Variants in SLC17A2 observed in about 807,000 individuals in gnomAD.
The protein encoded by SLC17A2 is solute carrier family 17 member 2.
SLC17A2 carries 38 observed loss-of-function variants against 52.1 expected under a neutral mutation model. The observed-to-expected ratio is 0.73, with a 90% CI of 0.56 to 0.96. The LOEUF (loss-of-function observed/expected upper bound fraction) is 0.96. SLC17A2 is among the 40% of genes least tolerant of loss of function. The probability of loss-of-function intolerance (pLI) is 0.00; values close to 1 mark genes in which losing one functional copy is unlikely to be tolerated. For synonymous variants in SLC17A2, 226 were observed against 211.9 expected (o/e 1.07, Z -0.58); for missense variants, 508 against 583.9 (o/e 0.87, Z 1.34).
At chr6:25,913,956 G>A (rs1581554496) in intron 11 of SLC17A2, among the ~76,000 whole-genome samples, 1 of 152,082 alleles carries the variant, frequency 6.6e-6, no homozygotes, top group East Asian at 1.9e-4. Flanking sequence ...ATTCCTAGCA[G>A]TTTAGTCAAA....
Position 25,913,398 on chromosome 6 carries a change from C to T in SLC17A2, c.1356G>A (p.Met452Ile). 6.2e-7 allele frequency: 1 copy of T among 1,614,096 alleles called. No individual in the cohort carries two copies. Among genetic ancestry groups the T allele is most frequent in the South Asian group, 1.1e-5 (1 of 91,078 alleles). ...ACGTGAGGTAAAAGACCAGGCCAAA[C>T]ATGTTGACTGCAGCAGACAGGAAAA... ...NVFFLSAAVN[M>I]FGLVFYLTFG... The change falls in exon 12 of 12, where the codon ATG becomes ATA. Residue 452 changes from methionine to isoleucine, a missense_variant. Transcript: ENST00000377850.
intron 6 of SLC17A2, 97 bp downstream of exon 6, chr6:25,918,390 G>A: frequency 1.3e-6 from 1 of 753,208 alleles, no homozygotes; most frequent in Admixed American, 2.2e-5. Context: ...TTTGATAAAG[G>A]ACATTTTCTT....
chr6:25,921,051 C>G lies in SLC17A2; in HGVS notation c.517G>C (p.Ala173Pro). 1 of 1,614,140 alleles carries G rather than the reference C, an allele frequency of 6.2e-7. No individual in the cohort carries two copies. Among genetic ancestry groups the G allele is most frequent in the South Asian group, 1.1e-5 (1 of 91,088 alleles). Reference protein sequence around the residue: ...TGQFTIWAKWAPPLERSKLTT... With the variant: ...TGQFTIWAKWPPPLERSKLTT... ...AGCTTGCTTCGTTCAAGTGGAGGAGCCCACTTTGCCCAAATAGTAAACTGA... is the reference window on the plus strand; with the variant it reads ...AGCTTGCTTCGTTCAAGTGGAGGAGGCCACTTTGCCCAAATAGTAAACTGA... Residue 173 changes from alanine to proline, a missense_variant, in exon 5 of 12, where the codon GCT becomes CCT. Ala to Pro is a conservative substitution (Grantham distance 27). Coordinates refer to ENST00000377850, the MANE Select transcript of SLC17A2 (RefSeq NM_001286123.3).
At position 25,925,723 on chromosome 6, in the gene SLC17A2, G is replaced by A. The variant is rs146976422; in HGVS notation, c.28+46C>T. The A allele has an allele frequency of 1.4e-4, 225 of 1,563,316 alleles. No homozygotes were observed. In the East Asian group the frequency reaches 4.7e-3, roughly 33 times the overall value. On this transcript the variant is annotated intron_variant, in intron 2 of 11. Transcript: ENST00000377850. ...GAGATGTGTAAATGTGTCGGAATAA[G>A]CTTCAGCTTATTAACATAGCCTGCA...
At position 25,914,683 on chromosome 6, in the gene SLC17A2, G is replaced by A. The variant is rs1430871128; in HGVS notation, c.1212-13C>T. 1.3e-6 allele frequency: 2 copies of A among 1,531,974 alleles called. No individual in the cohort carries two copies. The highest frequency in any genetic ancestry group is 1.8e-6 in the Non-Finnish European group (2 of 1,106,542). The allele number at this position is 1,531,974 out of a possible 1,614,324, so 94.9% of individuals were successfully genotyped here. ...GAAACTTGCATATCTGTGGGAAGATGATTTTATAAATGATTTTATATAGAA... is the reference window on the plus strand; with the variant it reads ...GAAACTTGCATATCTGTGGGAAGATAATTTTATAAATGATTTTATATAGAA... On this transcript the variant is annotated splice_polypyrimidine_tract_variant and intron_variant, in intron 10 of 11. Transcript: ENST00000377850.
chr6:25,915,549 ACTGG>A lies in SLC17A2; in HGVS notation c.1157_1160del (p.Thr386IlefsTer13), dbSNP rs1415782023. 1.9e-6 allele frequency: 3 copies of A among 1,582,770 alleles called. No individual in the cohort carries two copies. Among genetic ancestry groups the A allele is most frequent in the Admixed American group, 1.9e-5 (1 of 53,804 alleles). On this transcript the variant is annotated frameshift_variant, in exon 10 of 12. Coordinates refer to ENST00000377850, the MANE Select transcript of SLC17A2 (RefSeq NM_001286123.3). LOFTEE classifies it high-confidence loss of function. ...TGATAAACCCTGAGTCACATAGGTT[ACTGG>A]TCCCAGGAATAAGTATCAGCAAAAT... is the stretch of plus-strand genomic sequence containing the variant.
intron 1 of SLC17A2, among the ~76,000 whole-genome samples, chr6:25,928,522 C>T (rs111494124): frequency 0.02 from 3,055 of 152,198 alleles, 55 homozygotes; most frequent in African/African-American, 0.054. Flanking sequence ...ATGAAAAGCC[C>T]TACTTAAGTT....
At chr6:25,923,632 A>G (rs1766639535) in intron 3 of SLC17A2, 63 bp downstream of exon 3, 1 of 1,238,974 alleles carries the variant, frequency 8.1e-7, no homozygotes, top group Non-Finnish European at 1.2e-6. Flanking sequence ...CAGAATCAAG[A>G]TCTATGCCTT....
At chr6:25,925,903 A>G in intron 1 of SLC17A2, 24 bp from the exon 2 acceptor site, 2 of 1,132,150 alleles carry the variant, frequency 1.8e-6, no homozygotes, top group Non-Finnish European at 1.3e-6. Flanking sequence ...ATAATCCAAA[A>G]CATAATACAC....
chr6:25,916,870 A>C, intron 7 of SLC17A2, 24 bp from the exon 8 acceptor site: 1 of 1,614,036 alleles, frequency 6.2e-7, no homozygotes, highest in Non-Finnish European at 8.5e-7. Context: ...TCTAATCAGC[A>C]TGAGTATTAG....
intron 10 of SLC17A2, among the ~76,000 whole-genome samples, chr6:25,915,149 G>GTATATATATATATA (rs59580107): frequency 0.011 from 663 of 57,760 alleles, 60 homozygotes; most frequent in African/African-American, 0.021. Flanking sequence ...TATTGTGACT[G>GTATATATATATATA]TATATATATA....
In SLC17A2 at chr6:25,917,121, G is replaced by A. The variant is rs374286946; in HGVS notation, c.650-34C>T. The A allele has an allele frequency of 2.4e-4, 366 of 1,538,602 alleles. 1 individual carries two copies. Among genetic ancestry groups the A allele is most frequent in the Non-Finnish European group, 3.2e-4 (357 of 1,113,658 alleles). On this transcript the variant is annotated intron_variant, in intron 6 of 11. Coordinates refer to ENST00000377850, the MANE Select transcript of SLC17A2 (RefSeq NM_001286123.3). ...AAGGGATAAAATTAGTTTTTAGGTA[G>A]ATTTGTTTACTGGGGGAAGGAAGTT...
At chr6:25,915,162 T>TACCAC (rs1766256374) in intron 10 of SLC17A2, among the ~76,000 whole-genome samples, 1 of 118,422 alleles carries the variant, frequency 8.4e-6, no homozygotes, top group Non-Finnish European at 1.7e-5. Flanking sequence ...TATATATATA[T>TACCAC]ATATATATAT....
chr6:25,919,087 G>T (rs982552233), intron 5 of SLC17A2, among the ~76,000 whole-genome samples: 1 of 152,088 alleles, frequency 6.6e-6, no homozygotes, highest in Non-Finnish European at 1.5e-5. Context: ...ATTTCACAGA[G>T]ACCTATAGTA....
At chr6:25,914,733 C>G (rs1174655793) in intron 10 of SLC17A2, 63 bp from the exon 11 acceptor site, 4 of 1,048,412 alleles carry the variant, frequency 3.8e-6, no homozygotes. Flanking sequence ...TCTGCAGCAA[C>G]TCAACTTTAA....
Position 25,925,822 on chromosome 6 carries a change from C to A in SLC17A2, c.-26G>T. 5 of 1,613,866 alleles carry A rather than the reference C, an allele frequency of 3.1e-6. No homozygotes were observed. Among genetic ancestry groups the A allele is most frequent in the Non-Finnish European group, 4.2e-6 (5 of 1,179,726 alleles). Reference sequence around the variant, plus strand: ...TTAGCTTCTGTGGGAAATGGTACCACGCTTTGTGGTGGAGTTTCCCTGTGC... The same window carrying A: ...TTAGCTTCTGTGGGAAATGGTACCAAGCTTTGTGGTGGAGTTTCCCTGTGC... On this transcript the variant is annotated 5_prime_UTR_variant, in exon 2 of 12. Coordinates refer to ENST00000377850, the MANE Select transcript of SLC17A2 (RefSeq NM_001286123.3).
intron 6 of SLC17A2, among the ~76,000 whole-genome samples, chr6:25,917,589 T>C (rs1766376881): frequency 6.6e-6 from 1 of 152,222 alleles, no homozygotes; most frequent in Non-Finnish European, 1.5e-5. Context: ...AAAAGAAATA[T>C]TTTTGTACAA....
chr6:25,928,586 C>T (rs146986469), intron 1 of SLC17A2, among the ~76,000 whole-genome samples: 5 of 152,214 alleles, frequency 3.3e-5, no homozygotes, highest in East Asian at 1.9e-4. Flanking sequence ...TTCAGTTCTT[C>T]GTTTCCTATT....
intron 6 of SLC17A2, among the ~76,000 whole-genome samples, chr6:25,918,201 T>C (rs550269986): frequency 6.6e-6 from 1 of 152,364 alleles, no homozygotes; most frequent in African/African-American, 2.4e-5. Flanking sequence ...GTAGAGATTC[T>C]GCAGAAGGTG....
Sources: allele counts gnomAD v4.1 joint callset (sites outside exome capture counted in the v4.1 genomes callset), GRCh38; gene constraint gnomAD v4.1.1; transcripts MANE v1.5; gene names NCBI Gene and HGNC (gene_info 2026-07-23, HGNC 2026-07-21).